Variants in PKIA observed in about 807,000 individuals in gnomAD.
PKIA encodes cAMP-dependent protein kinase inhibitor alpha.
In PKIA, 4 loss-of-function variants were observed where a neutral mutation model predicts 7.6. That is an observed-to-expected ratio of 0.52 (90% CI 0.26 to 1.20). The LOEUF (loss-of-function observed/expected upper bound fraction) is 1.20. PKIA is among the 50% of genes most tolerant of loss of function. PKIA has a pLI of 0.13. For missense variants in PKIA, 73 were observed against 86.2 expected, an observed-to-expected ratio of 0.85 and a Z score of 0.61; for synonymous variants, 21 against 30.7, an observed-to-expected ratio of 0.68 and a Z score of 1.04.
intron 1 of PKIA, among the ~76,000 whole-genome samples, chr8:78,551,845 T>C (rs1806992542): frequency 6.6e-6 from 1 of 152,008 alleles, no homozygotes; most frequent in Admixed American, 6.6e-5. Flanking sequence ...ATATCTCTGT[T>C]TCCTTGGTTT....
At position 78,602,713 on chromosome 8, in the gene PKIA, A is replaced by ATATATATATATATATATATATT. The variant is rs1554584766; in HGVS notation, c.*893_*894insATATATATATATATATATATTT. 4.1e-5 allele frequency: 6 copies of ATATATATATATATATATATATT among 147,940 alleles called. No individual in the cohort carries two copies. Among genetic ancestry groups the ATATATATATATATATATATATT allele is most frequent in the African/African-American group, 1.5e-4 (6 of 40,026 alleles). 9.2% of individuals were successfully genotyped at this position (147,940 alleles called of 1,614,324 possible). On this transcript the variant is annotated 3_prime_UTR_variant, in exon 4 of 4. Transcript: ENST00000396418. ...CCACATAATATATATATATATATAT[A>ATATATATATATATATATATATT]TTTTAATTTATGAGAATTTTGGACA...
chr8:78,582,173 GT>G lies in PKIA; in HGVS notation c.-28+9249del, dbSNP rs112095411. Among the ~76,000 whole-genome samples the G allele has an allele frequency of 8.8e-3, 1,142 of 129,592 alleles. 2 individuals are homozygous for G. The highest frequency in any genetic ancestry group is 0.022 in the Admixed American group (284 of 12,970). 85.0% of individuals were successfully genotyped at this position (129,592 alleles called of 152,430 possible). A position where few individuals can be genotyped will look rare whatever the true frequency, so the allele number is the denominator to read the frequency against. On this transcript the variant is annotated intron_variant, in intron 2 of 3. Transcript: ENST00000396418. ...CCATGTAATCCCAGCAATATTTCGT[GT>G]TTTTTTTTTTTTTTGAGGCTTTGGG...
chr8:78,566,986 C>T (rs1307915089), intron 1 of PKIA, among the ~76,000 whole-genome samples: 1 of 152,026 alleles, frequency 6.6e-6, no homozygotes, highest in East Asian at 1.9e-4. Context: ...TTTTTTTCTT[C>T]AACATCAATA....
At chr8:78,564,791 C>T (rs1324059360) in intron 1 of PKIA, among the ~76,000 whole-genome samples, 1 of 151,700 alleles carries the variant, frequency 6.6e-6, no homozygotes, top group African/African-American at 2.4e-5. Context: ...AAATTACAGT[C>T]ATTAAAATTA....
chr8:78,581,609 T>G (rs1043503653), intron 2 of PKIA, among the ~76,000 whole-genome samples: 3 of 152,070 alleles, frequency 2.0e-5, no homozygotes, highest in African/African-American at 7.2e-5. Context: ...CTGAATCTAA[T>G]CATGAGACAA....
intron 1 of PKIA, among the ~76,000 whole-genome samples, chr8:78,543,920 A>G (rs1563573527): frequency 6.6e-6 from 1 of 151,958 alleles, no homozygotes; most frequent in Non-Finnish European, 1.5e-5. Flanking sequence ...GTTATTTCCA[A>G]TTTCCCTAAT....
chr8:78,553,246 T>C (rs981405412), intron 1 of PKIA, among the ~76,000 whole-genome samples: 1 of 151,976 alleles, frequency 6.6e-6, no homozygotes, highest in African/African-American at 2.4e-5. Flanking sequence ...GCTGTCTTGA[T>C]ATAATGCATA....
At chr8:78,584,164 T>A (rs955130247) in intron 2 of PKIA, among the ~76,000 whole-genome samples, 1 of 151,328 alleles carries the variant, frequency 6.6e-6, no homozygotes, top group African/African-American at 2.4e-5. Flanking sequence ...TACTGGGAAG[T>A]GTGTGTGTGT....
chr8:78,577,732 A>C (rs763769115), intron 2 of PKIA, among the ~76,000 whole-genome samples: 5 of 152,066 alleles, frequency 3.3e-5, no homozygotes, highest in African/African-American at 7.2e-5. Context: ...ATGCTGTAAT[A>C]GAATGAAGAC....
chr8:78,527,658 T>C (rs904574962), intron 1 of PKIA, among the ~76,000 whole-genome samples: 5 of 152,096 alleles, frequency 3.3e-5, no homozygotes, highest in African/African-American at 1.2e-4. Context: ...ATATGTCATA[T>C]TAATTTTTAA....
intron 1 of PKIA, among the ~76,000 whole-genome samples, chr8:78,531,039 A>G (rs1563568145): frequency 1.3e-5 from 2 of 152,194 alleles, no homozygotes; most frequent in South Asian, 2.1e-4. Flanking sequence ...ACAAGAAAGC[A>G]TTTATATTTT....
chr8:78,551,260 G>A (rs548708762), intron 1 of PKIA, among the ~76,000 whole-genome samples: 7 of 152,142 alleles, frequency 4.6e-5, no homozygotes, highest in African/African-American at 1.4e-4. Context: ...AACTGTTCTA[G>A]TAAATCCTAG....
intron 2 of PKIA, among the ~76,000 whole-genome samples, chr8:78,580,217 C>G (rs1171995955): frequency 6.6e-6 from 1 of 151,846 alleles, no homozygotes; most frequent in East Asian, 1.9e-4. Flanking sequence ...ATACATATGT[C>G]ATAGGTATAA....
Position 78,604,218 on chromosome 8 carries a change from T to TA in PKIA, c.*2398dup, listed in dbSNP as rs1218244355. The TA allele has an allele frequency of 6.6e-6, 1 of 152,048 alleles. No individual in the cohort carries two copies. The highest frequency in any genetic ancestry group is 2.4e-5 in the African/African-American group (1 of 41,432). The allele number at this position is 152,048 out of a possible 1,614,324, so 9.4% of individuals were successfully genotyped here. A position where few individuals can be genotyped will look rare whatever the true frequency, so the allele number is the denominator to read the frequency against. The stretch of plus-strand genomic sequence containing the variant: ...TGGATGTCTATTAACCAACTATTCT[T>TA]ACGCTAATGGCTTTGCAGCTCCTAT... On this transcript the variant is annotated 3_prime_UTR_variant, in exon 4 of 4. Transcript: ENST00000396418.
rs1807158419 is a variant in PKIA at position 78,557,078 on chromosome 8, T to G, written c.-156-15733T>G. 1.3e-5 allele frequency among the ~76,000 whole-genome samples: 2 copies of G among 152,136 alleles called. 1 individual carries two copies. The highest frequency in any genetic ancestry group is 3.8e-4 in the East Asian group (2 of 5,200). On this transcript the variant is annotated intron_variant, in intron 1 of 3. Coordinates refer to ENST00000396418, the MANE Select transcript of PKIA (RefSeq NM_006823.4). ...GTCATTTTTTTCCTCCTAACCTTCCTTATCAGAAAGCCCATCTCACCAACT... is the reference window on the plus strand; with the variant it reads ...GTCATTTTTTTCCTCCTAACCTTCCGTATCAGAAAGCCCATCTCACCAACT...
chr8:78,589,703 T>G (rs894089585), intron 2 of PKIA, among the ~76,000 whole-genome samples: 8 of 152,152 alleles, frequency 5.3e-5, no homozygotes, highest in African/African-American at 1.9e-4. Context: ...ACAATTAGTA[T>G]TTTTTTAGTT....
intron 1 of PKIA, chr8:78,534,557 A>G (rs776352635): frequency 1.3e-5 from 2 of 152,146 alleles, no homozygotes; most frequent in Admixed American, 6.6e-5. Context: ...CAAGAAATAC[A>G]TACATTTGAG....
intron 1 of PKIA, among the ~76,000 whole-genome samples, chr8:78,561,818 G>A (rs540242130): frequency 6.6e-6 from 1 of 152,298 alleles, no homozygotes; most frequent in African/African-American, 2.4e-5. Context: ...GTAAATTCAT[G>A]TAACATGGGA....
At chr8:78,519,853 C>G (rs1441136713) in intron 1 of PKIA, among the ~76,000 whole-genome samples, 1 of 152,046 alleles carries the variant, frequency 6.6e-6, no homozygotes, top group Non-Finnish European at 1.5e-5. Context: ...TTCTGTTAGC[C>G]CATCCTCTTA....
Sources: allele counts gnomAD v4.1 joint callset (sites outside exome capture counted in the v4.1 genomes callset), GRCh38; gene constraint gnomAD v4.1.1; transcripts MANE v1.5; gene names NCBI Gene and HGNC (gene_info 2026-07-23, HGNC 2026-07-21).